CHD8: variants seen among roughly 807,000 people sequenced by gnomAD.
CHD8 encodes chromodomain helicase DNA binding protein 8, also known as ATP-dependent chromatin remodeler CHD8.
Under a neutral mutation model 279.2 loss-of-function variants are expected in CHD8, and 31 were observed. That is an observed-to-expected ratio of 0.11 (90% CI 0.08 to 0.15). CHD8 has a LOEUF of 0.15. Among genes scored for constraint, CHD8 ranks in the 10% least tolerant of loss-of-function variants. The pLI, the probability that CHD8 is intolerant of heterozygous loss-of-function variation, is 1.00. For missense variants in CHD8, 2,146 were observed against 3,230.5 expected (o/e 0.66, Z 8.14); for synonymous variants, 1,081 against 1,139.6 (o/e 0.95, Z 1.04).
In CHD8 at chr14:21,405,609, G is replaced by C. The variant is rs541671607; in HGVS notation, c.3051+112C>G. On this transcript the variant is annotated intron_variant, in intron 15 of 37. Transcript: ENST00000646647. This position sits in a 1 kb window ranked among gnomAD's most constrained non-coding sequence, Gnocchi z 4.2. ...ATGCCACAAATGATGTAGGCACAAG[G>C]TTATAAGGAGTTCAGAAAGGCCCTT... 1.4e-5 allele frequency: 20 copies of C among 1,459,532 alleles called. No homozygotes were observed. In the African/African-American group the frequency reaches 2.7e-4, roughly 20 times the overall value. The allele number at this position is 1,459,532 out of a possible 1,614,324, so 90.4% of individuals were successfully genotyped here. A position where few individuals can be genotyped will look rare whatever the true frequency, so the allele number is the denominator to read the frequency against.
intron 20 of CHD8, 141 bp from the exon 21 acceptor site, chr14:21,401,654 C>T (rs1048330082): frequency 7.0e-5 from 42 of 603,416 alleles, no homozygotes; most frequent in African/African-American, 3.2e-4. Context: ...GCACGATCTC[C>T]GCTCACCGCA....
At chr14:21,437,081 T>C (rs1889815448) in intron 1 of CHD8, 1 of 747,248 alleles carries the variant, frequency 1.3e-6, no homozygotes, top group African/African-American at 1.8e-5. Flanking sequence ...GGGGTGTGGA[T>C]GCCCGGGATA....
At chr14:21,397,486 TC>T in intron 27 of CHD8, 2 of 413,014 alleles carry the variant, frequency 4.8e-6, no homozygotes, top group East Asian at 6.4e-5. Flanking sequence ...CTAAGGCTCT[TC>T]CACAGAAGCA....
At chr14:21,410,063 T>C (rs1005455789) in intron 10 of CHD8, 75 bp from the exon 11 acceptor site, 10 of 1,414,712 alleles carry the variant, frequency 7.1e-6, no homozygotes, top group African/African-American at 1.4e-5. Context: ...AAAAATTTGA[T>C]TGTAAAATCA....
At position 21,428,983 on chromosome 14, in the gene CHD8, T is replaced by C; in HGVS notation, c.1196A>G (p.Lys399Arg). The part of the protein sequence containing the change: ...SPGQRLSVPV[K>R]VVLQPQAGSS... ...TCTCACCTGTGGCTGCAGTACCACC[T>C]TGACTGGTACTGAAAGTCTTTGTCC... Residue 399 changes from lysine to arginine, a missense_variant, in exon 3 of 38, where the codon AAG becomes AGG. This residue lies in a region of CHD8 where 170 missense variants were observed against 189.9 expected (regional missense o/e 0.90). Transcript: ENST00000646647. 1 of 1,613,948 alleles carries C rather than the reference T, an allele frequency of 6.2e-7. No individual in the cohort carries two copies. The highest frequency in any genetic ancestry group is 8.5e-7 in the Non-Finnish European group (1 of 1,179,808).
At chr14:21,415,494 G>T in intron 7 of CHD8, 80 bp downstream of exon 7, 1 of 798,270 alleles carries the variant, frequency 1.3e-6, no homozygotes, top group South Asian at 5.1e-5. Flanking sequence ...AACACAGTTA[G>T]ACTCTATTTC....
At chr14:21,428,870 G>GC (rs1384792167) in intron 3 of CHD8, 94 bp downstream of exon 3, 1 of 1,114,486 alleles carries the variant, frequency 9.0e-7, no homozygotes, top group Non-Finnish European at 1.3e-6. Flanking sequence ...ATCTAGAATG[G>GC]CCCCACATTC....
chr14:21,405,315 C>T lies in CHD8; in HGVS notation c.3201G>A (p.Lys1067=), dbSNP rs1226206876. ...QKKYYRAILE[K]NFSFLSKGAG... ...CCCCTTTGGAAAGGAAGGAGAAATT[C>T]TTCTCCAAAATAGCCCGATAGTATT... is the stretch of plus-strand genomic sequence containing the variant. The change falls in exon 16 of 38, where the codon AAG becomes AAA. Residue 1067 remains lysine, a synonymous_variant. Transcript: ENST00000646647. The surrounding 1 kb of genome is among the most constrained non-coding windows in gnomAD (Gnocchi z 4.2). The T allele has an allele frequency of 6.2e-7, 1 of 1,610,762 alleles. No homozygotes were observed. The highest frequency in any genetic ancestry group is 1.3e-5 in the African/African-American group (1 of 74,920).
rs145107100 is a variant in CHD8 at position 21,432,693 on chromosome 14, G to A, written c.-215-835C>T. On this transcript the variant is annotated intron_variant, in intron 1 of 37. Transcript: ENST00000646647. Reference sequence around the variant, plus strand: ...TCCATCCCAATGCCAATAATCTCTCGCAGCTAAAATCCTACCAACCCTCAA... The same window carrying A: ...TCCATCCCAATGCCAATAATCTCTCACAGCTAAAATCCTACCAACCCTCAA... Among the ~76,000 whole-genome samples, 184 of 152,134 alleles carry A rather than the reference G, an allele frequency of 1.2e-3. 1 individual carries two copies. Among genetic ancestry groups the A allele is most frequent in the Non-Finnish European group, 2.3e-3 (159 of 68,000 alleles).
intron 26 of CHD8, chr14:21,399,386 C>T (rs967909057): frequency 3.8e-6 from 2 of 525,594 alleles, no homozygotes; most frequent in Admixed American, 3.1e-5. Flanking sequence ...GGGAGGCTCC[C>T]TACCTTGAGA....
rs140671064 is a variant in CHD8 at position 21,447,747 on chromosome 14, AT to A, written c.-216+8284del. Among the ~76,000 whole-genome samples, 521 of 149,724 alleles carry A rather than the reference AT, an allele frequency of 3.5e-3. 6 individuals are homozygous for A. Among genetic ancestry groups the A allele is most frequent in the African/African-American group, 0.012 (483 of 40,676 alleles). ...TTTTTCTAAGTCAACCTCATTGTAG[AT>A]TTTTTTTTTCCCAGTAAACCCCTCA... On this transcript the variant is annotated intron_variant, in intron 1 of 37. Transcript: ENST00000646647.
chr14:21,449,864 G>A (rs1207361664), intron 1 of CHD8, among the ~76,000 whole-genome samples: 1 of 152,180 alleles, frequency 6.6e-6, no homozygotes, highest in Non-Finnish European at 1.5e-5. Flanking sequence ...GTGAAAGGAA[G>A]TAACCACTGC....
intron 16 of CHD8, among the ~76,000 whole-genome samples, chr14:21,404,482 G>T (rs1888177844): frequency 6.6e-6 from 1 of 151,850 alleles, no homozygotes; most frequent in Non-Finnish European, 1.5e-5. Flanking sequence ...TATGATAACT[G>T]GGTTAAAAAA....
At chr14:21,425,947 AAAC>A (rs1290366647) in intron 5 of CHD8, 178 bp downstream of exon 5, 47 of 557,058 alleles carry the variant, frequency 8.4e-5, no homozygotes, top group Admixed American at 1.4e-4. Flanking sequence ...AAGAAGAAGA[AAAC>A]AACAACAACA....
rs1887530782 is a variant in CHD8, at chr14:21,391,392, T to C, written c.7065+71A>G. The C allele has an allele frequency of 3.5e-6, 5 of 1,424,116 alleles. No individual in the cohort carries two copies. In the South Asian group the frequency reaches 3.8e-5, roughly 11 times the overall value. 88.2% of individuals were successfully genotyped at this position (1,424,116 alleles called of 1,614,324 possible). ...GAAACGATGATACAGTATGTCATGCTTTCTCTTTCTCATGCAGCTTAAATA... is the reference window on the plus strand; with the variant it reads ...GAAACGATGATACAGTATGTCATGCCTTCTCTTTCTCATGCAGCTTAAATA... On this transcript the variant is annotated intron_variant, in intron 36 of 37. Transcript: ENST00000646647.
rs374458289 is a variant in CHD8, at chr14:21,408,570, T to C, written c.2487-15A>G. ...TGCAGTTCTGCCTGCAGATTCACCATGGGAAAAAAAAAATGTTAAAAGATA... is the reference window on the plus strand; with the variant it reads ...TGCAGTTCTGCCTGCAGATTCACCACGGGAAAAAAAAAATGTTAAAAGATA... On this transcript the variant is annotated splice_polypyrimidine_tract_variant and intron_variant, in intron 12 of 37. Transcript: ENST00000646647. The surrounding 1 kb of genome is among the most constrained non-coding windows in gnomAD (Gnocchi z 4.3). The C allele has an allele frequency of 5.3e-4, 850 of 1,590,842 alleles. 3 individuals are homozygous for C. The highest frequency in any genetic ancestry group is 5.0e-4 in the Middle Eastern group (3 of 5,946).
intron 5 of CHD8, among the ~76,000 whole-genome samples, chr14:21,422,639 G>T (rs1425739108): frequency 6.6e-6 from 1 of 152,080 alleles, no homozygotes; most frequent in Non-Finnish European, 1.5e-5. Flanking sequence ...AATAAAAAAA[G>T]AAATGTAGCC....
At chr14:21,391,146 A>G in intron 36 of CHD8, 83 bp from the exon 37 acceptor site, 3 of 922,030 alleles carry the variant, frequency 3.3e-6, no homozygotes, top group Middle Eastern at 2.3e-4. Context: ...CTTTTGTTTG[A>G]TAATAAACAC....
chr14:21,415,536 AAT>A (rs1888681006), intron 7 of CHD8, 36 bp downstream of exon 7: 5 of 1,043,210 alleles, frequency 4.8e-6, no homozygotes, highest in African/African-American at 3.4e-5. Flanking sequence ...TAAATAAATA[AAT>A]AAATAAAAAT....
Sources: allele counts gnomAD v4.1 joint callset (sites outside exome capture counted in the v4.1 genomes callset), GRCh38; gene constraint gnomAD v4.1.1; regional missense constraint gnomAD v4.1.1; non-coding constraint Gnocchi (gnomAD v3.1); transcripts MANE v1.5; gene names NCBI Gene and HGNC (gene_info 2026-07-23, HGNC 2026-07-21).